PRKAR2A: variants seen among roughly 807,000 people sequenced by gnomAD.
PRKAR2A encodes the protein protein kinase cAMP-dependent type II regulatory subunit alpha, also known as cAMP-dependent protein kinase type II-alpha regulatory subunit.
A neutral mutation model predicts 51.9 loss-of-function variants in PRKAR2A; 29 were observed. The ratio of observed to expected loss-of-function variants is 0.56; its 90% confidence interval spans 0.42 to 0.76. PRKAR2A has a LOEUF of 0.76. Ranked by LOEUF, PRKAR2A falls within the 30% of genes least tolerant of loss-of-function variation. The pLI is 0.00. For missense variants in PRKAR2A, 445 were observed against 512.1 expected, an observed-to-expected ratio of 0.87 and a Z score of 1.26; for synonymous variants, 178 against 186.2, an observed-to-expected ratio of 0.96 and a Z score of 0.36.
chr3:48,818,586 CA>C (rs903767041), intron 1 of PRKAR2A, among the ~76,000 whole-genome samples: 5 of 147,896 alleles, frequency 3.4e-5, no homozygotes, highest in East Asian at 3.9e-4. Flanking sequence ...CCTGTCTCTA[CA>C]AAAAAAAAAT....
intron 1 of PRKAR2A, among the ~76,000 whole-genome samples, chr3:48,842,064 T>G (rs2107468605): frequency 6.6e-6 from 1 of 152,290 alleles, no homozygotes; most frequent in South Asian, 2.1e-4. Flanking sequence ...GTTCTTCCAT[T>G]TGTTTGTATC....
intron 4 of PRKAR2A, among the ~76,000 whole-genome samples, chr3:48,789,275 G>A (rs529178917): frequency 6.6e-6 from 1 of 152,184 alleles, no homozygotes; most frequent in South Asian, 2.1e-4. Context: ...GGGGATATGT[G>A]GATGTCTGAA....
chr3:48,756,571 G>A, intron 8 of PRKAR2A, 127 bp from the exon 9 acceptor site: 1 of 687,546 alleles, frequency 1.5e-6, no homozygotes, highest in Admixed American at 2.5e-5. Flanking sequence ...TGAATCAATA[G>A]TAAACAAATT....
chr3:48,832,922 T>A (rs2083215356), intron 1 of PRKAR2A, among the ~76,000 whole-genome samples: 1 of 152,180 alleles, frequency 6.6e-6, no homozygotes, highest in South Asian at 2.1e-4. Context: ...AAGTTCCTCA[T>A]ACAGTCTCCA....
chr3:48,829,865 ATATATATTTTTT>A (rs1236618510), intron 1 of PRKAR2A, among the ~76,000 whole-genome samples: 3 of 81,210 alleles, frequency 3.7e-5, no homozygotes, highest in African/African-American at 1.2e-4. Context: ...ATATATATAT[ATATATATTTTTT>A]TTTTTTTTTT....
In PRKAR2A at chr3:48,847,329, G is replaced by C; in HGVS notation, c.262+6C>G. On this transcript the variant is annotated splice_donor_region_variant and intron_variant, in intron 1 of 10. Transcript: ENST00000265563. The surrounding 1 kb of genome is among the most constrained non-coding windows in gnomAD (Gnocchi z 4.4). ...ACCACTCCCCAGGGCCCCGCCCACA[G>C]CCTACCTTCCAAGTCCTCGTCCTCC... 1 of 1,613,366 alleles carries C rather than the reference G, an allele frequency of 6.2e-7. No individual in the cohort carries two copies. The highest frequency in any genetic ancestry group is 8.5e-7 in the Non-Finnish European group (1 of 1,179,646).
In PRKAR2A at chr3:48,748,253, G is replaced by A. The variant is rs1432523110; in HGVS notation, c.*3332C>T. The A allele has an allele frequency of 6.6e-6, 1 of 150,416 alleles. No individual in the cohort carries two copies. The highest frequency in any genetic ancestry group is 1.5e-5 in the Non-Finnish European group (1 of 67,776). The allele number at this position is 150,416 out of a possible 1,614,324, so 9.3% of individuals were successfully genotyped here. A position where few individuals can be genotyped will look rare whatever the true frequency, so the allele number is the denominator to read the frequency against. On this transcript the variant is annotated 3_prime_UTR_variant, in exon 11 of 11. Coordinates refer to ENST00000265563, the MANE Select transcript of PRKAR2A (RefSeq NM_004157.4). ...AGGAATCCTTTCACCTCAGCCTACT[G>A]AGTGTGCACCACCAGGTCCAGCTAA...
chr3:48,842,503 G>C (rs2083396897), intron 1 of PRKAR2A, among the ~76,000 whole-genome samples: 1 of 152,160 alleles, frequency 6.6e-6, no homozygotes. Context: ...GGTTTCAAAG[G>C]GAATGCTTCC....
intron 2 of PRKAR2A, among the ~76,000 whole-genome samples, chr3:48,794,530 A>G (rs1406039656): frequency 6.6e-6 from 1 of 151,910 alleles, no homozygotes; most frequent in African/African-American, 2.4e-5. Flanking sequence ...CCCCATCTCT[A>G]CTAAAAATAC....
At chr3:48,767,731 T>C (rs1318710850) in intron 6 of PRKAR2A, among the ~76,000 whole-genome samples, 1 of 151,266 alleles carries the variant, frequency 6.6e-6, no homozygotes, top group Admixed American at 6.6e-5. Context: ...GAGACCATCC[T>C]GGCTAACACA....
At chr3:48,846,622 T>C (rs2083467486) in intron 1 of PRKAR2A, among the ~76,000 whole-genome samples, 1 of 152,168 alleles carries the variant, frequency 6.6e-6, no homozygotes, top group South Asian at 2.1e-4. Flanking sequence ...GAGTAGCTGG[T>C]ATAGACTATA....
Position 48,847,592 on chromosome 3 carries a change from C to A in PRKAR2A, c.5G>T (p.Ser2Ile). The A allele has an allele frequency of 6.7e-7, 1 of 1,495,222 alleles. No individual in the cohort carries two copies. The highest frequency in any genetic ancestry group is 1.4e-5 in the South Asian group (1 of 73,896). 92.6% of individuals were successfully genotyped at this position (1,495,222 alleles called of 1,614,324 possible). A position where few individuals can be genotyped will look rare whatever the true frequency, so the allele number is the denominator to read the frequency against. The change falls in exon 1 of 11, where the codon AGC becomes ATC. Residue 2 changes from serine to isoleucine, a missense_variant. Coordinates refer to ENST00000265563, the MANE Select transcript of PRKAR2A (RefSeq NM_004157.4). This position sits in a 1 kb window ranked among gnomAD's most constrained non-coding sequence, Gnocchi z 4.4. M[S>I]HIQIPPGLTE... ...GAGCCCCGGCGGGATCTGGATGTGG[C>A]TCATGCCGGCGGCGGCCGAAGGGAT...
At chr3:48,831,992 T>C (rs1187593020) in intron 1 of PRKAR2A, among the ~76,000 whole-genome samples, 1 of 152,152 alleles carries the variant, frequency 6.6e-6, no homozygotes, top group Non-Finnish European at 1.5e-5. Context: ...TCATCACATC[T>C]TAAAACTGCT....
intron 1 of PRKAR2A, among the ~76,000 whole-genome samples, chr3:48,827,340 GAA>G (rs34473962): frequency 1.2e-4 from 15 of 121,358 alleles, no homozygotes; most frequent in Admixed American, 2.6e-4. Context: ...AGTTTAAGAT[GAA>G]AAAAAAAAAA....
In PRKAR2A at chr3:48,747,739, A is replaced by C. The variant is rs1262503256; in HGVS notation, c.*3846T>G. The C allele has an allele frequency of 6.6e-6, 1 of 152,232 alleles. No individual in the cohort carries two copies. Among genetic ancestry groups the C allele is most frequent in the East Asian group, 1.9e-4 (1 of 5,198 alleles). 9.4% of individuals were successfully genotyped at this position (152,232 alleles called of 1,614,324 possible). On this transcript the variant is annotated 3_prime_UTR_variant, in exon 11 of 11. Coordinates refer to ENST00000265563, the MANE Select transcript of PRKAR2A (RefSeq NM_004157.4). ...CTCTCAGGAATATTCTCTACCATCC[A>C]AAATCAACAGCAAAGCCAGAAAAGG...
chr3:48,807,836 G>C lies in PRKAR2A; in HGVS notation c.263-152C>G, dbSNP rs1227697575. ...AGTCTTCCACACTCAATCACAAATA[G>C]TTGTTCAATGTGATAATATTAAGAC... On this transcript the variant is annotated intron_variant, in intron 1 of 10. Coordinates refer to ENST00000265563, the MANE Select transcript of PRKAR2A (RefSeq NM_004157.4). 6.6e-6 allele frequency: 4 copies of C among 602,208 alleles called. No individual in the cohort carries two copies. The Admixed American group carries it at 1.1e-4, about 17-fold the overall frequency. 37.3% of individuals were successfully genotyped at this position (602,208 alleles called of 1,614,324 possible). A position where few individuals can be genotyped will look rare whatever the true frequency, so the allele number is the denominator to read the frequency against.
chr3:48,775,029 T>G (rs2082084398), intron 5 of PRKAR2A, among the ~76,000 whole-genome samples: 1 of 152,222 alleles, frequency 6.6e-6, no homozygotes, highest in African/African-American at 2.4e-5. Context: ...GTTATTTTTG[T>G]TGCTAGTTTA....
chr3:48,833,137 A>G (rs1376778391), intron 1 of PRKAR2A, among the ~76,000 whole-genome samples: 7 of 152,198 alleles, frequency 4.6e-5, no homozygotes, highest in Non-Finnish European at 1.0e-4. Flanking sequence ...CTGGGCTCAA[A>G]GAATCCTCCT....
chr3:48,840,488 G>A (rs957607684), intron 1 of PRKAR2A, among the ~76,000 whole-genome samples: 2 of 149,558 alleles, frequency 1.3e-5, no homozygotes, highest in Admixed American at 6.7e-5. Flanking sequence ...AGCAACACTC[G>A]GTCTTATGTA....
Sources: allele counts gnomAD v4.1 joint callset (sites outside exome capture counted in the v4.1 genomes callset), GRCh38; gene constraint gnomAD v4.1.1; non-coding constraint Gnocchi (gnomAD v3.1); transcripts MANE v1.5; gene names NCBI Gene and HGNC (gene_info 2026-07-23, HGNC 2026-07-21).